The following GUCY1A2 variants were observed in gnomAD, a reference collection of about 807,000 sequenced individuals.
GUCY1A2 encodes the protein guanylate cyclase soluble subunit alpha-2.
Under a neutral mutation model 63.5 loss-of-function variants are expected in GUCY1A2, and 27 were observed. The ratio of observed to expected loss-of-function variants is 0.43; its 90% CI spans 0.31 to 0.59. The LOEUF (loss-of-function observed/expected upper bound fraction) is 0.59, where lower values mean the gene tolerates loss of function less well. GUCY1A2 is among the 20% of genes least tolerant of loss of function. The pLI, the probability that GUCY1A2 is intolerant of heterozygous loss-of-function variation, is 0.11. For missense variants in GUCY1A2, 768 were observed against 913.3 expected (o/e 0.84, Z 2.05); for synonymous variants, 364 against 343.5 (o/e 1.06, Z -0.66).
rs1860843382 is a variant in GUCY1A2 at position 106,947,272 on chromosome 11, A to T, written c.488-7094T>A. 2.6e-5 allele frequency among the ~76,000 whole-genome samples: 4 copies of T among 152,166 alleles called. No individual in the cohort carries two copies. The South Asian group carries it at 8.3e-4, about 32-fold the overall frequency. On this transcript the variant is annotated intron_variant, in intron 3 of 7. Coordinates refer to ENST00000526355, the MANE Select transcript of GUCY1A2 (RefSeq NM_000855.3). Reference sequence around the variant, plus strand: ...TCTATACAACTATAATTATAGTAGGAAACACTAATACATGTCTCTCAGTAC... The same window carrying T: ...TCTATACAACTATAATTATAGTAGGTAACACTAATACATGTCTCTCAGTAC...
intron 4 of GUCY1A2, among the ~76,000 whole-genome samples, chr11:106,919,144 G>C (rs111745821): frequency 6.6e-6 from 1 of 152,062 alleles, no homozygotes; most frequent in African/African-American, 2.4e-5. Flanking sequence ...CAAAAAACAA[G>C]CGTGATTATA....
chr11:106,829,260 A>G (rs1859019369), intron 4 of GUCY1A2, among the ~76,000 whole-genome samples: 1 of 152,194 alleles, frequency 6.6e-6, no homozygotes, highest in South Asian at 2.1e-4. Context: ...AAGATAAGGG[A>G]GGGTTGGGTG....
intron 4 of GUCY1A2, among the ~76,000 whole-genome samples, chr11:106,853,830 T>C (rs1445865590): frequency 2.0e-5 from 3 of 152,184 alleles, no homozygotes; most frequent in Non-Finnish European, 4.4e-5. Flanking sequence ...TAGATCTTTA[T>C]TGTTTGTTCA....
intron 4 of GUCY1A2, among the ~76,000 whole-genome samples, chr11:106,936,888 G>A (rs556894900): frequency 6.6e-6 from 1 of 151,972 alleles, no homozygotes; most frequent in South Asian, 2.1e-4. Context: ...ACATCATAGA[G>A]GTATACATTA....
rs534980257 is a variant in GUCY1A2, at chr11:106,710,978, G to T, written c.1837-2312C>A. 2.0e-5 allele frequency among the ~76,000 whole-genome samples: 3 copies of T among 152,158 alleles called. No individual in the cohort carries two copies. The South Asian group carries it at 6.2e-4, about 32-fold the overall frequency. On this transcript the variant is annotated intron_variant, in intron 6 of 7. Transcript: ENST00000526355. ...GCATATATCAACTCATAAAAAGATA[G>T]GTTGAAACTAATGTGACCTAGCTGC...
chr11:106,998,828 A>T (rs1861574402), intron 1 of GUCY1A2, among the ~76,000 whole-genome samples: 1 of 152,178 alleles, frequency 6.6e-6, no homozygotes, highest in African/African-American at 2.4e-5. Flanking sequence ...TCCAAAATTT[A>T]AAAGTATAAT....
chr11:106,881,606 T>C (rs931924706), intron 4 of GUCY1A2, among the ~76,000 whole-genome samples: 12 of 152,136 alleles, frequency 7.9e-5, no homozygotes, highest in Admixed American at 2.6e-4. Context: ...TTACCGACTG[T>C]CCACCTAAAG....
chr11:107,009,829 G>C (rs1177412464), intron 1 of GUCY1A2, among the ~76,000 whole-genome samples: 1 of 152,164 alleles, frequency 6.6e-6, no homozygotes, highest in Non-Finnish European at 1.5e-5. Context: ...TCAGCCCATA[G>C]AGCTCACTGC....
At chr11:106,750,114 A>C (rs1246145491) in intron 6 of GUCY1A2, among the ~76,000 whole-genome samples, 3 of 152,246 alleles carry the variant, frequency 2.0e-5, no homozygotes, top group Non-Finnish European at 4.4e-5. Context: ...CTGCTGCAGA[A>C]GGCCTGACAG....
At chr11:106,971,090 C>T (rs574964079) in intron 3 of GUCY1A2, among the ~76,000 whole-genome samples, 6 of 151,912 alleles carry the variant, frequency 3.9e-5, no homozygotes, top group East Asian at 1.9e-4. Flanking sequence ...AAGTGAAACA[C>T]GGGATTTTTT....
At chr11:106,807,365 A>G (rs1170057321) in intron 5 of GUCY1A2, among the ~76,000 whole-genome samples, 1 of 152,206 alleles carries the variant, frequency 6.6e-6, no homozygotes, top group Non-Finnish European at 1.5e-5. Flanking sequence ...CTGGTCAAAT[A>G]GAAGTTTTCT....
At chr11:106,761,984 A>T (rs1864074313) in intron 6 of GUCY1A2, among the ~76,000 whole-genome samples, 1 of 152,102 alleles carries the variant, frequency 6.6e-6, no homozygotes, top group Admixed American at 6.6e-5. Flanking sequence ...ACTAATCATA[A>T]CCTCATAATA....
chr11:106,872,360 G>T (rs1859691011), intron 4 of GUCY1A2, among the ~76,000 whole-genome samples: 1 of 152,056 alleles, frequency 6.6e-6, no homozygotes, highest in African/African-American at 2.4e-5. Flanking sequence ...ATTCCTACTT[G>T]CAGAATCCAG....
chr11:106,738,464 C>T (rs1445679784), intron 6 of GUCY1A2, among the ~76,000 whole-genome samples: 3 of 152,094 alleles, frequency 2.0e-5, no homozygotes, highest in Admixed American at 6.6e-5. Flanking sequence ...GAAGTCTTTG[C>T]CCATGCCTAT....
At chr11:106,707,202 T>G (rs1451900542) in intron 7 of GUCY1A2, among the ~76,000 whole-genome samples, 1 of 152,114 alleles carries the variant, frequency 6.6e-6, no homozygotes, top group Non-Finnish European at 1.5e-5. Context: ...ATATTTGTAA[T>G]TTCAGTTTTC....
Position 106,708,684 on chromosome 11 carries a change from A to G in GUCY1A2, c.1837-18T>C, listed in dbSNP as rs554701687. 6.5e-7 allele frequency: 1 copy of G among 1,543,536 alleles called. No homozygotes were observed. The highest frequency in any genetic ancestry group is 8.8e-7 in the Non-Finnish European group (1 of 1,136,134). ...ATCCTCATCTAAAGAAGAATGAAAG[A>G]GGAAAAGGAACATATTTGTTTCCAT... On this transcript the variant is annotated intron_variant, in intron 6 of 7. Transcript: ENST00000526355.
chr11:106,856,485 A>C (rs568486299), intron 4 of GUCY1A2, among the ~76,000 whole-genome samples: 1 of 152,208 alleles, frequency 6.6e-6, no homozygotes, highest in South Asian at 2.1e-4. Flanking sequence ...CTTATCTACA[A>C]CTCAGAGATA....
At chr11:106,914,605 AAAT>A (rs1381259708) in intron 4 of GUCY1A2, among the ~76,000 whole-genome samples, 4 of 150,746 alleles carry the variant, frequency 2.7e-5, no homozygotes, top group African/African-American at 7.4e-5. Context: ...ATAAAAATAA[AAAT>A]AATAATCACA....
intron 6 of GUCY1A2, among the ~76,000 whole-genome samples, chr11:106,737,021 C>A (rs977315673): frequency 6.6e-6 from 1 of 152,134 alleles, no homozygotes; most frequent in Non-Finnish European, 1.5e-5. Flanking sequence ...CTACAGAGGG[C>A]AGCTCCACTG....
Sources: allele counts gnomAD v4.1 joint callset (sites outside exome capture counted in the v4.1 genomes callset), GRCh38; gene constraint gnomAD v4.1.1; transcripts MANE v1.5; gene names NCBI Gene and HGNC (gene_info 2026-07-23, HGNC 2026-07-21).